TM4SF4: variants seen among roughly 807,000 people sequenced by gnomAD.
The protein encoded by TM4SF4 is transmembrane 4 L6 family member 4.
In TM4SF4, 24 loss-of-function variants were observed where a neutral mutation model predicts 24.1. The observed-to-expected ratio is 1.00, with a 90% confidence interval of 0.72 to 1.40. The LOEUF (loss-of-function observed/expected upper bound fraction) is 1.40. TM4SF4 is among the 40% of genes most tolerant of loss of function. The pLI is 0.00. For synonymous variants in TM4SF4, 113 were observed against 97.0 expected (o/e 1.17, Z -0.97); for missense variants, 254 against 254.2 (o/e 1.00, Z 0.01).
chr3:149,483,825 T>C (rs1477290189), intron 2 of TM4SF4, among the ~76,000 whole-genome samples: 1 of 152,160 alleles, frequency 6.6e-6, no homozygotes, highest in Non-Finnish European at 1.5e-5. Flanking sequence ...CTGTCGCCCA[T>C]ACTGGAGTGC....
chr3:149,496,593 A>T (rs183893060), intron 3 of TM4SF4, among the ~76,000 whole-genome samples: 66 of 151,198 alleles, frequency 4.4e-4, no homozygotes, highest in African/African-American at 1.6e-3. Context: ...ACATGGAGAA[A>T]CCCCGCCTCT....
intron 1 of TM4SF4, among the ~76,000 whole-genome samples, 199 bp from the exon 2 acceptor site, chr3:149,475,624 T>A (rs1364240866): frequency 2.0e-5 from 3 of 152,196 alleles, no homozygotes; most frequent in Non-Finnish European, 4.4e-5. Context: ...CTTGCCTCAT[T>A]GAAGCTGGTT....
At chr3:149,500,961 G>T (rs2107878136) in intron 4 of TM4SF4, among the ~76,000 whole-genome samples, 1 of 150,850 alleles carries the variant, frequency 6.6e-6, no homozygotes, top group Non-Finnish European at 1.5e-5. Flanking sequence ...CGATGCTGAG[G>T]CTGCATGAGC....
At chr3:149,487,364 G>T (rs1480145163) in intron 2 of TM4SF4, among the ~76,000 whole-genome samples, 1 of 152,154 alleles carries the variant, frequency 6.6e-6, no homozygotes, top group Non-Finnish European at 1.5e-5. Context: ...AAAAGGCCAT[G>T]GCTCAAAGGT....
intron 2 of TM4SF4, among the ~76,000 whole-genome samples, chr3:149,482,516 C>A (rs1270935550): frequency 1.3e-5 from 2 of 152,170 alleles, no homozygotes; most frequent in South Asian, 4.1e-4. Flanking sequence ...TGTCTACCCT[C>A]TAATGTACTC....
At chr3:149,476,802 GTTTTTGTTTTTGTTT>G (rs1733937392) in intron 2 of TM4SF4, among the ~76,000 whole-genome samples, 3 of 51,604 alleles carry the variant, frequency 5.8e-5, no homozygotes, top group Non-Finnish European at 1.8e-4. Context: ...GTTTTTTTTT[GTTTTTGTTTTTGTTT>G]TTTTTTTTTT....
chr3:149,498,467 G>A (rs963655874), intron 3 of TM4SF4, among the ~76,000 whole-genome samples: 1 of 152,018 alleles, frequency 6.6e-6, no homozygotes, highest in Non-Finnish European at 1.5e-5. Context: ...AACCGAAAAA[G>A]AGAACCCAGA....
intron 4 of TM4SF4, among the ~76,000 whole-genome samples, chr3:149,499,308 G>T (rs561785319): frequency 2.0e-5 from 3 of 152,264 alleles, no homozygotes; most frequent in African/African-American, 7.2e-5. Context: ...GTCTGGGCTG[G>T]CATGTTCTCA....
chr3:149,496,702 A>G (rs1257369114), intron 3 of TM4SF4, among the ~76,000 whole-genome samples: 1 of 150,776 alleles, frequency 6.6e-6, no homozygotes, highest in Non-Finnish European at 1.5e-5. Context: ...CGGGAGGCAC[A>G]GGTTGCAGTG....
chr3:149,492,148 T>C (rs891164971), intron 3 of TM4SF4, among the ~76,000 whole-genome samples: 1 of 152,022 alleles, frequency 6.6e-6, no homozygotes, highest in Non-Finnish European at 1.5e-5. Context: ...GGCAGCAGAA[T>C]TGGGGCTCAA....
intron 3 of TM4SF4, among the ~76,000 whole-genome samples, chr3:149,491,457 C>A (rs1043469144): frequency 9.3e-5 from 14 of 149,756 alleles, no homozygotes; most frequent in African/African-American, 3.4e-4. Flanking sequence ...CAGAGCCAGA[C>A]CCTGTCTCAA....
intron 4 of TM4SF4, among the ~76,000 whole-genome samples, chr3:149,499,563 A>G (rs1734377950): frequency 1.3e-5 from 2 of 152,214 alleles, no homozygotes; most frequent in Non-Finnish European, 2.9e-5. Flanking sequence ...ACACACATAC[A>G]CAAAGTTATT....
At chr3:149,495,443 G>A (rs1364390577) in intron 3 of TM4SF4, 1 of 395,308 alleles carries the variant, frequency 2.5e-6, no homozygotes, top group Admixed American at 3.1e-5. Flanking sequence ...GTGGAAACTG[G>A]TGTTCTCAAA....
chr3:149,495,615 G>A lies in TM4SF4; in HGVS notation c.402-3107G>A, dbSNP rs1231241880. ...CAACATTGCTGGTAACAGCAAAAAT[G>A]ACCCACCAATGGGAGCAGCTGGCTT... On this transcript the variant is annotated intron_variant, in intron 3 of 4. Coordinates refer to ENST00000305354, the MANE Select transcript of TM4SF4 (RefSeq NM_004617.4). The A allele has an allele frequency of 1.8e-5, 6 of 337,710 alleles. No individual in the cohort carries two copies. The East Asian group carries it at 5.6e-4, about 31-fold the overall frequency. The allele number at this position is 337,710 out of a possible 1,614,324, so 20.9% of individuals were successfully genotyped here.
intron 2 of TM4SF4, among the ~76,000 whole-genome samples, chr3:149,478,954 AC>A (rs1265608991): frequency 6.6e-6 from 1 of 151,896 alleles, no homozygotes; most frequent in East Asian, 1.9e-4. Flanking sequence ...TTTGTTAGAG[AC>A]GGGGTTTCAC....
chr3:149,474,734 C>G lies in TM4SF4; in HGVS notation c.-144C>G. 2.6e-6 allele frequency: 2 copies of G among 760,720 alleles called. No individual in the cohort carries two copies. Among genetic ancestry groups the G allele is most frequent in the South Asian group, 4.5e-5 (2 of 44,016 alleles). The allele number at this position is 760,720 out of a possible 1,614,324, so 47.1% of individuals were successfully genotyped here. On this transcript the variant is annotated 5_prime_UTR_variant, in exon 1 of 5. Transcript: ENST00000305354. ...CTGAAGCAACTCCAAGGACACAGTT[C>G]ACAGAAATTTGGTTCTCAGCCCCAA...
chr3:149,502,721 A>G lies in TM4SF4; in HGVS notation c.*28A>G. 6 of 1,554,250 alleles carry G rather than the reference A, an allele frequency of 3.9e-6. No individual in the cohort carries two copies. Among genetic ancestry groups the G allele is most frequent in the Non-Finnish European group, 5.3e-6 (6 of 1,127,884 alleles). Reference sequence around the variant, plus strand: ...CTCCGAGATGAGCTGCTCAGACTCTACAGCATGACGACTACAATTTCTTTT... The same window carrying G: ...CTCCGAGATGAGCTGCTCAGACTCTGCAGCATGACGACTACAATTTCTTTT... On this transcript the variant is annotated 3_prime_UTR_variant, in exon 5 of 5. Coordinates refer to ENST00000305354, the MANE Select transcript of TM4SF4 (RefSeq NM_004617.4).
intron 2 of TM4SF4, among the ~76,000 whole-genome samples, chr3:149,479,133 G>T (rs1733987665): frequency 6.6e-6 from 1 of 151,896 alleles, no homozygotes; most frequent in African/African-American, 2.4e-5. Flanking sequence ...TTTTCCCCAA[G>T]AAATAAAAAA....
intron 2 of TM4SF4, among the ~76,000 whole-genome samples, chr3:149,482,239 G>A (rs1457485048): frequency 6.6e-6 from 1 of 152,296 alleles, no homozygotes; most frequent in East Asian, 1.9e-4. Flanking sequence ...AGATCATGAG[G>A]GAGGAACCAG....
Sources: gnomAD v4.1 joint callset for allele counts (sites outside exome capture counted in the v4.1 genomes callset) on GRCh38, gnomAD v4.1.1 for gene constraint, MANE v1.5 for transcripts, NCBI Gene and HGNC (gene_info 2026-07-23, HGNC 2026-07-21) for gene names.